The following NFAM1 variants were observed in gnomAD, a reference collection of about 807,000 sequenced individuals.
NFAM1 encodes NFAT activation molecule 1.
In NFAM1, 17 loss-of-function variants were observed where a neutral mutation model predicts 29.0. The ratio of observed to expected loss-of-function variants is 0.59; its 90% CI spans 0.40 to 0.88. NFAM1 has a LOEUF of 0.88. NFAM1 is among the 40% of genes least tolerant of loss of function. The pLI is 0.00. For missense variants in NFAM1, 324 were observed against 344.6 expected (o/e 0.94, Z 0.47); for synonymous variants, 175 against 147.2 (o/e 1.19, Z -1.36).
upstream of NFAM1, among the ~76,000 whole-genome samples, chr22:42,434,539 C>G (rs549027081): frequency 1.3e-5 from 2 of 152,334 alleles, no homozygotes; most frequent in African/African-American, 4.8e-5. Flanking sequence ...TGGCAAGGAG[C>G]CCAGCAGCCC....
At chr22:42,421,457 A>G (rs987553191) in intron 1 of NFAM1, among the ~76,000 whole-genome samples, 8 of 151,348 alleles carry the variant, frequency 5.3e-5, no homozygotes, top group Admixed American at 1.3e-4. Flanking sequence ...AAAAAAAAAA[A>G]AAAAGAAAAG....
chr22:42,404,512 CCCTT>C (rs919091868), intron 3 of NFAM1, among the ~76,000 whole-genome samples: 212 of 152,202 alleles, frequency 1.4e-3, no homozygotes, highest in African/African-American at 4.6e-3. Flanking sequence ...GGTTCTCTTT[CCCTT>C]CCAGCCCAGG....
In NFAM1 at chr22:42,388,221, C is replaced by G. The variant is rs999249111; in HGVS notation, c.664-1143G>C. 2.0e-5 allele frequency among the ~76,000 whole-genome samples: 3 copies of G among 152,226 alleles called. No homozygotes were observed. Among genetic ancestry groups the G allele is most frequent in the Non-Finnish European group, 1.5e-5 (1 of 68,032 alleles). ...GAATCTCGGCTCTGACTGCGCCAGC[C>G]AAAGGCAACCCCTTAACCGCTCCAT... is the stretch of plus-strand genomic sequence containing the variant. On this transcript the variant is annotated intron_variant, in intron 4 of 5. Coordinates refer to ENST00000329021, the MANE Select transcript of NFAM1 (RefSeq NM_145912.8). This position sits in a 1 kb window ranked among gnomAD's most constrained non-coding sequence, Gnocchi z 4.1.
chr22:42,431,881 C>A (rs533910862), intron 1 of NFAM1, among the ~76,000 whole-genome samples: 1 of 151,726 alleles, frequency 6.6e-6, no homozygotes, highest in African/African-American at 2.4e-5. Flanking sequence ...GCAGCAGCCA[C>A]GTGAGGTTCC....
At chr22:42,402,831 C>CTTTTTTTT (rs35045065) in intron 3 of NFAM1, among the ~76,000 whole-genome samples, 3 of 97,116 alleles carry the variant, frequency 3.1e-5, no homozygotes, top group South Asian at 4.0e-4. Context: ...TCTGTGCCTT[C>CTTTTTTTT]TTTTTTTTTT....
chr22:42,434,909 A>G (rs1325528892), upstream of NFAM1, among the ~76,000 whole-genome samples: 2 of 152,166 alleles, frequency 1.3e-5, no homozygotes, highest in African/African-American at 2.4e-5. Context: ...CCGTGCATCT[A>G]TGCCTCACAG....
At position 42,427,077 on chromosome 22, in the gene NFAM1, G is replaced by A. The variant is rs559147485; in HGVS notation, c.121+5160C>T. Among the ~76,000 whole-genome samples, 37 of 152,100 alleles carry A rather than the reference G, an allele frequency of 2.4e-4. 1 individual carries two copies. In the South Asian group the frequency reaches 6.6e-3, roughly 27 times the overall value. ...CTCAGACCTTACCAGGAGCCCAGGCGCCCCACTTGCCAATCTCATGTCCAT... is the reference window on the plus strand; with the variant it reads ...CTCAGACCTTACCAGGAGCCCAGGCACCCCACTTGCCAATCTCATGTCCAT... On this transcript the variant is annotated intron_variant, in intron 1 of 5. Coordinates refer to ENST00000329021, the MANE Select transcript of NFAM1 (RefSeq NM_145912.8).
upstream of NFAM1, among the ~76,000 whole-genome samples, chr22:42,434,500 G>C (rs569520865): frequency 6.6e-6 from 1 of 152,320 alleles, no homozygotes; most frequent in African/African-American, 2.4e-5. Flanking sequence ...CAGCCACGCA[G>C]CCTCCTGGGG....
At chr22:42,436,583 C>T (rs1370180474), upstream of NFAM1, among the ~76,000 whole-genome samples, 4 of 152,234 alleles carry the variant, frequency 2.6e-5, no homozygotes, top group African/African-American at 9.6e-5. Flanking sequence ...GCAGGCTGCC[C>T]GGGCTGGAAG....
At chr22:42,387,559 C>A (rs1929193482) in intron 4 of NFAM1, among the ~76,000 whole-genome samples, 1 of 150,496 alleles carries the variant, frequency 6.6e-6, no homozygotes, top group Non-Finnish European at 1.5e-5. Context: ...CACCCATACC[C>A]TCTAGCTCTC....
chr22:42,387,101 A>ATC (rs753110465), intron 4 of NFAM1, 23 bp from the exon 5 acceptor site: 1 of 1,442,450 alleles, frequency 6.9e-7, no homozygotes, highest in Non-Finnish European at 9.6e-7. Flanking sequence ...GGGTGCCAGG[A>ATC]TCAGGGGCAA....
At chr22:42,434,609 G>A (rs1176102190), upstream of NFAM1, among the ~76,000 whole-genome samples, 2 of 152,212 alleles carry the variant, frequency 1.3e-5, no homozygotes, top group Non-Finnish European at 2.9e-5. Flanking sequence ...CAGGGGGATA[G>A]AAATAAAACC....
chr22:42,392,895 G>A (rs1929391805), intron 4 of NFAM1, among the ~76,000 whole-genome samples: 2 of 152,124 alleles, frequency 1.3e-5, no homozygotes, highest in Admixed American at 6.6e-5. Flanking sequence ...TGCCTCCCAG[G>A]TTCAAGTGAT....
chr22:42,388,000 T>C (rs1021998058), intron 4 of NFAM1, among the ~76,000 whole-genome samples: 8 of 152,230 alleles, frequency 5.3e-5, no homozygotes, highest in African/African-American at 1.9e-4. Context: ...ATGCCTAGTC[T>C]ATCTCTGGGT....
Position 42,385,155 on chromosome 22 carries a change from C to T in NFAM1, c.*6G>A. 3 of 1,610,388 alleles carry T rather than the reference C, an allele frequency of 1.9e-6. No individual in the cohort carries two copies. The highest frequency in any genetic ancestry group is 2.5e-6 in the Non-Finnish European group (3 of 1,176,752). ...AGGGCAAGCTCTATGAGCGGTGGAG[C>T]CCATCCTAGAGATTTTCATAGACCA... On this transcript the variant is annotated 3_prime_UTR_variant, in exon 6 of 6. Transcript: ENST00000329021.
At chr22:42,394,315 G>C (rs568425565) in intron 4 of NFAM1, among the ~76,000 whole-genome samples, 26 of 152,146 alleles carry the variant, frequency 1.7e-4, no homozygotes, top group Non-Finnish European at 3.4e-4. Flanking sequence ...TGGGATTACA[G>C]GGGTAAGCCA....
chr22:42,405,849 C>A (rs1198688062), intron 3 of NFAM1, among the ~76,000 whole-genome samples: 1 of 152,180 alleles, frequency 6.6e-6, no homozygotes, highest in African/African-American at 2.4e-5. Flanking sequence ...CAGTGTCAGA[C>A]CCATGGGAAG....
upstream of NFAM1, chr22:42,432,531 C>G (rs1930846393): frequency 7.3e-6 from 6 of 817,358 alleles, no homozygotes; most frequent in Admixed American, 9.1e-5. Context: ...GAACCTGGCA[C>G]TGAGACTGGT....
At chr22:42,405,535 C>T (rs1039445710) in intron 3 of NFAM1, among the ~76,000 whole-genome samples, 1 of 151,548 alleles carries the variant, frequency 6.6e-6, no homozygotes, top group Non-Finnish European at 1.5e-5. Context: ...ATATTGAGGG[C>T]GAGAGTCGGG....
Sources: allele counts gnomAD v4.1 joint callset (sites outside exome capture counted in the v4.1 genomes callset), GRCh38; gene constraint gnomAD v4.1.1; non-coding constraint Gnocchi (gnomAD v3.1); transcripts MANE v1.5; gene names NCBI Gene and HGNC (gene_info 2026-07-23, HGNC 2026-07-21).